Variants in PRUNE2 observed in about 807,000 individuals in gnomAD.
PRUNE2 encodes the protein protein prune homolog 2.
A neutral mutation model predicts 252.0 loss-of-function variants in PRUNE2; 164 were observed. The ratio of observed to expected loss-of-function variants is 0.65; its 90% CI spans 0.57 to 0.74. The LOEUF (loss-of-function observed/expected upper bound fraction) is 0.74. PRUNE2 is among the 30% of genes least tolerant of loss of function. The pLI, the probability that PRUNE2 is intolerant of heterozygous loss-of-function variation, is 0.00. For synonymous variants in PRUNE2, 1,292 were observed against 1,350.2 expected, an observed-to-expected ratio of 0.96 and a Z score of 0.94; for missense variants, 3,495 against 3,711.0, an observed-to-expected ratio of 0.94 and a Z score of 1.51.
intron 9 of PRUNE2, among the ~76,000 whole-genome samples, chr9:76,678,673 C>G (rs1249106612): frequency 6.6e-6 from 1 of 151,420 alleles, no homozygotes; most frequent in East Asian, 2.0e-4. Context: ...ACTAAAAATA[C>G]AAAAAATTAG....
chr9:76,750,353 C>T (rs981473729), intron 6 of PRUNE2, among the ~76,000 whole-genome samples: 7 of 152,080 alleles, frequency 4.6e-5, no homozygotes, highest in Admixed American at 2.0e-4. Context: ...GCCAATGAGG[C>T]TTGCACTCAT....
intron 1 of PRUNE2, among the ~76,000 whole-genome samples, chr9:76,871,697 C>T (rs2061210420): frequency 6.6e-6 from 1 of 152,204 alleles, no homozygotes; most frequent in East Asian, 1.9e-4. Context: ...GGCACAACGT[C>T]AGCCTACTGC....
intron 6 of PRUNE2, among the ~76,000 whole-genome samples, chr9:76,805,737 C>T (rs1202265139): frequency 6.6e-6 from 1 of 152,196 alleles, no homozygotes; most frequent in African/African-American, 2.4e-5. Flanking sequence ...CAGTTCCAGA[C>T]TACTATGGAC....
At chr9:76,675,158 T>A (rs11145006) in intron 9 of PRUNE2, among the ~76,000 whole-genome samples, 1 of 86,984 alleles carries the variant, frequency 1.1e-5, no homozygotes, top group East Asian at 3.6e-4. Context: ...TTTTCGCAAC[T>A]TACTCATCTG....
intron 6 of PRUNE2, chr9:76,778,684 A>C (rs1424513800): frequency 6.6e-6 from 1 of 152,238 alleles, no homozygotes; most frequent in Non-Finnish European, 1.5e-5. Context: ...ATGATCTATA[A>C]AGTGGGATAT....
intron 9 of PRUNE2, among the ~76,000 whole-genome samples, chr9:76,697,400 C>T (rs551942039): frequency 6.6e-6 from 1 of 152,278 alleles, no homozygotes; most frequent in South Asian, 2.1e-4. Context: ...TGATGCTCTC[C>T]CTTCCCTCTG....
At chr9:76,730,822 G>A (rs1377189167) in intron 6 of PRUNE2, among the ~76,000 whole-genome samples, 1 of 152,208 alleles carries the variant, frequency 6.6e-6, no homozygotes, top group African/African-American at 2.4e-5. Flanking sequence ...AGAATCGCTT[G>A]AACTTGGGAG....
At position 76,638,066 on chromosome 9, in the gene PRUNE2, A is replaced by C. The variant is rs866149586; in HGVS notation, c.8831+120T>G. On this transcript the variant is annotated intron_variant, in intron 13 of 18. Transcript: ENST00000376718. ...ACATTCCTTGACAGAAACCTTACTG[A>C]CTTTTCACTGAAGGCTTAGAACATT... is the stretch of plus-strand genomic sequence containing the variant. 2.8e-5 allele frequency: 19 copies of C among 678,148 alleles called. 1 individual carries two copies. In the Middle Eastern group the frequency reaches 4.5e-3, roughly 160 times the overall value. 42.0% of individuals were successfully genotyped at this position (678,148 alleles called of 1,614,324 possible).
intron 6 of PRUNE2, among the ~76,000 whole-genome samples, chr9:76,744,359 TAG>T (rs1207544033): frequency 6.6e-6 from 1 of 152,168 alleles, no homozygotes. Flanking sequence ...CCTTCCACAG[TAG>T]AGAGAGGCCT....
Position 76,614,282 on chromosome 9 carries a change from A to G in PRUNE2, c.*288T>C. On this transcript the variant is annotated 3_prime_UTR_variant, in exon 19 of 19. Transcript: ENST00000376718. ...CTGGTAAACACCAGTCTAAGGGACA[A>G]AGTATCACTACACCGTGTTAATGAA... 2.2e-6 allele frequency: 1 copy of G among 463,456 alleles called. No individual in the cohort carries two copies. Among genetic ancestry groups the G allele is most frequent in the East Asian group, 4.1e-5 (1 of 24,630 alleles). The allele number at this position is 463,456 out of a possible 1,614,324, so 28.7% of individuals were successfully genotyped here. A position where few individuals can be genotyped will look rare whatever the true frequency, so the allele number is the denominator to read the frequency against.
chr9:76,855,748 G>T (rs2060221574), intron 1 of PRUNE2, among the ~76,000 whole-genome samples: 1 of 152,156 alleles, frequency 6.6e-6, no homozygotes, highest in Admixed American at 6.5e-5. Flanking sequence ...TGATTTAAAA[G>T]TATGATATAA....
intron 6 of PRUNE2, among the ~76,000 whole-genome samples, chr9:76,779,332 G>C (rs1339278831): frequency 6.6e-6 from 1 of 151,960 alleles, no homozygotes; most frequent in African/African-American, 2.4e-5. Flanking sequence ...TGAGATTAAG[G>C]CTCTTTGTGG....
rs960940095 is a variant in PRUNE2, at chr9:76,611,637, C to T, written c.*2933G>A. On this transcript the variant is annotated 3_prime_UTR_variant, in exon 19 of 19. Transcript: ENST00000376718. ...TAAGACGAGAGTTGCAAACATAGTACCATAACTGAATATTTAAAATTACAT... is the reference window on the plus strand; with the variant it reads ...TAAGACGAGAGTTGCAAACATAGTATCATAACTGAATATTTAAAATTACAT... 7.9e-5 allele frequency: 12 copies of T among 152,718 alleles called. No homozygotes were observed. The highest frequency in any genetic ancestry group is 1.6e-4 in the Non-Finnish European group (11 of 68,020). 9.5% of individuals were successfully genotyped at this position (152,718 alleles called of 1,614,324 possible).
chr9:76,638,705 A>G (rs757903460), intron 12 of PRUNE2, among the ~76,000 whole-genome samples: 1 of 152,224 alleles, frequency 6.6e-6, no homozygotes, highest in Non-Finnish European at 1.5e-5. Context: ...GCTAAGAAAG[A>G]GATTCTGTTT....
chr9:76,703,765 A>C lies in PRUNE2; in HGVS notation c.7848T>G (p.Ser2616=), dbSNP rs764848477. The change falls in exon 9 of 19, where the codon TCT becomes TCG. Residue 2616 remains serine (S), a synonymous_variant. Coordinates refer to ENST00000376718, the MANE Select transcript of PRUNE2 (RefSeq NM_015225.3). Reference sequence around the variant, plus strand: ...CAAAAGATGATCTCGTATCGCTTTTAGAAGACATTTTCTCTGCAGAGAGAC... The same window carrying C: ...CAAAAGATGATCTCGTATCGCTTTTCGAAGACATTTTCTCTGCAGAGAGAC... The part of the protein sequence containing the change: ...RKGLSAEKMS[S]KSDTRSSFES... The C allele has an allele frequency of 6.2e-7, 1 of 1,613,810 alleles. No individual in the cohort carries two copies. Among genetic ancestry groups the C allele is most frequent in the South Asian group, 1.1e-5 (1 of 91,072 alleles).
At chr9:76,796,008 G>T (rs977437145) in intron 6 of PRUNE2, among the ~76,000 whole-genome samples, 17 of 152,324 alleles carry the variant, frequency 1.1e-4, no homozygotes, top group African/African-American at 3.8e-4. Flanking sequence ...CTAATTTACT[G>T]TTCCAATCAC....
At chr9:76,872,191 C>G (rs115501953) in intron 1 of PRUNE2, among the ~76,000 whole-genome samples, 112 of 152,224 alleles carry the variant, frequency 7.4e-4, no homozygotes, top group African/African-American at 2.1e-3. Flanking sequence ...TTCCAAGCAT[C>G]GTCACAGGCA....
Position 76,706,721 on chromosome 9 carries a change from G to A in PRUNE2, c.5553C>T (p.Ser1851=), listed in dbSNP as rs772761494. The A allele has an allele frequency of 6.6e-5, 107 of 1,613,054 alleles. 1 individual carries two copies. In the South Asian group the frequency reaches 1.1e-3, roughly 17 times the overall value. Residue 1851 remains serine (S), a synonymous_variant, in exon 8 of 19, where the codon TCC becomes TCT. Coordinates refer to ENST00000376718, the MANE Select transcript of PRUNE2 (RefSeq NM_015225.3). ...ESPFERELSD[S]SGVLEINSSV... is the part of the protein sequence containing the mutation. ...AAGAATTTATCTCCAACACACCACT[G>A]GAGTCAGACAGCTCCCTTTCAAATG... is the stretch of plus-strand genomic sequence containing the variant.
At chr9:76,662,294 G>T (rs2039249493) in intron 9 of PRUNE2, among the ~76,000 whole-genome samples, 1 of 152,168 alleles carries the variant, frequency 6.6e-6, no homozygotes, top group Admixed American at 6.5e-5. Context: ...TGATAGAAAT[G>T]GAAGTCTCCA....
Sources: gnomAD v4.1 joint callset for allele counts (sites outside exome capture counted in the v4.1 genomes callset) on GRCh38, gnomAD v4.1.1 for gene constraint, MANE v1.5 for transcripts, NCBI Gene and HGNC (gene_info 2026-07-23, HGNC 2026-07-21) for gene names.